Variants in CHRNB4 observed in about 807,000 individuals in gnomAD.
CHRNB4 encodes neuronal acetylcholine receptor subunit beta-4.
A neutral mutation model predicts 40.4 loss-of-function variants in CHRNB4; 23 were observed. The observed-to-expected ratio is 0.57, with a 90% CI of 0.41 to 0.81. The LOEUF (loss-of-function observed/expected upper bound fraction) is 0.81, where lower values mean the gene tolerates loss of function less well. Among genes scored for constraint, CHRNB4 ranks in the 30% least tolerant of loss-of-function variants. The probability of loss-of-function intolerance (pLI) is 0.00; values close to 1 mark genes in which losing one functional copy is unlikely to be tolerated. For missense variants in CHRNB4, 568 were observed against 670.6 expected (o/e 0.85, Z 1.69); for synonymous variants, 285 against 274.4 (o/e 1.04, Z -0.38).
intron 7 of CHRNB4, chr15:78,649,268 A>C: frequency 3.2e-6 from 1 of 311,216 alleles, no homozygotes; most frequent in Non-Finnish European, 6.3e-6. Flanking sequence ...TGTACCCCAG[A>C]GACACTCATT....
upstream of CHRNB4, chr15:78,641,308 G>C (rs547804014): frequency 2.5e-4 from 135 of 540,026 alleles, 1 homozygote; most frequent in South Asian, 4.1e-3. Flanking sequence ...GGGATGTACT[G>C]GGCCCGCTGC....
chr15:78,661,197 A>T, upstream of CHRNB4: 1 of 612,626 alleles, frequency 1.6e-6, no homozygotes, highest in Middle Eastern at 5.1e-4. Flanking sequence ...CAAAGAGCGG[A>T]ATGGTGCTGC....
chr15:78,639,145 T>C (rs2054018307), intron 1 of CHRNB4, among the ~76,000 whole-genome samples: 4 of 152,250 alleles, frequency 2.6e-5, no homozygotes, highest in Admixed American at 2.6e-4. Flanking sequence ...GATATACCTA[T>C]TGTTTTGGAA....
At position 78,625,126 on chromosome 15, in the gene CHRNB4, G is replaced by T. The variant is rs1481181246; in HGVS notation, c.*7C>A. The T allele has an allele frequency of 9.3e-6, 15 of 1,613,916 alleles. No individual in the cohort carries two copies. The highest frequency in any genetic ancestry group is 1.3e-5 in the African/African-American group (1 of 74,922). On this transcript the variant is annotated 3_prime_UTR_variant, in exon 6 of 6. Transcript: ENST00000261751. Reference sequence around the variant, plus strand: ...CACATCCTCTCACCCCACAACCCAGGGGGCCCTCAGTCACGCTGGGCAGCG... The same window carrying T: ...CACATCCTCTCACCCCACAACCCAGTGGGCCCTCAGTCACGCTGGGCAGCG...
Position 78,629,317 on chromosome 15 carries a change from C to T in CHRNB4, c.988G>A (p.Ala330Thr), listed in dbSNP as rs1567113110. 5 of 1,613,732 alleles carry T rather than the reference C, an allele frequency of 3.1e-6. No individual in the cohort carries two copies. The highest frequency in any genetic ancestry group is 4.2e-6 in the Non-Finnish European group (5 of 1,179,918). Residue 330 changes from alanine (A) to threonine (T), a missense_variant, in exon 5 of 6, where the codon GCA becomes ACA. By Grantham distance (58) the Ala-to-Thr change is moderately conservative. Around this residue, in one of 4 missense-constraint regions of CHRNB4, gnomAD observed 242 missense variants for 274.9 expected, o/e 0.88. Coordinates refer to ENST00000261751, the MANE Select transcript of CHRNB4 (RefSeq NM_000750.5). The surrounding 1 kb of genome is among the most constrained non-coding windows in gnomAD (Gnocchi z 6.8). The part of the protein sequence containing the change: ...HHRSPSTHTM[A>T]PWVKRCFLHK... The stretch of plus-strand genomic sequence containing the variant: ...AGGAAGCAGCGCTTGACCCAGGGTG[C>T]CATGGTGTGGGTGCTGGGCGAGCGG...
At chr15:78,656,854 T>C (rs2054218264) in intron 3 of CHRNB4, among the ~76,000 whole-genome samples, 1 of 152,164 alleles carries the variant, frequency 6.6e-6, no homozygotes, top group Admixed American at 6.5e-5. Context: ...TCGAAGGCCC[T>C]GGGCCCTCTT....
upstream of CHRNB4, chr15:78,661,016 T>C (rs1366020436): frequency 1.3e-5 from 7 of 526,424 alleles, no homozygotes; most frequent in East Asian, 3.2e-4. Flanking sequence ...CCAAAATCTT[T>C]TTAATAAGAG....
At chr15:78,640,817 G>A (rs2054054944) in intron 1 of CHRNB4, among the ~76,000 whole-genome samples, 1 of 152,172 alleles carries the variant, frequency 6.6e-6, no homozygotes, top group Non-Finnish European at 1.5e-5. Flanking sequence ...ACAGACACTC[G>A]CCCTGGAGGG....
At chr15:78,630,952 G>A in intron 4 of CHRNB4, 124 bp downstream of exon 4, 1 of 726,546 alleles carries the variant, frequency 1.4e-6, no homozygotes, top group South Asian at 1.6e-5. Context: ...TAGCTTGATG[G>A]CCTGGAAGGC....
Position 78,638,138 on chromosome 15 carries a change from A to G in CHRNB4, c.56-2551T>C, listed in dbSNP as rs2053993231. On this transcript the variant is annotated intron_variant, in intron 1 of 5. Transcript: ENST00000261751. ...AATACTAGGGGAGGCTGGATCCCAC[A>G]TCTCTGAAGTCCCACTAGGCTGGTC... 5.9e-5 allele frequency among the ~76,000 whole-genome samples: 9 copies of G among 152,230 alleles called. No homozygotes were observed. In the South Asian group the frequency reaches 1.9e-3, roughly 32 times the overall value.
intron 1 of CHRNB4, 151 bp downstream of exon 1, chr15:78,640,928 C>T (rs1323554211): frequency 2.2e-6 from 2 of 909,182 alleles, no homozygotes; most frequent in Non-Finnish European, 3.2e-6. Context: ...AGCGAGTGGG[C>T]TCAGCCCTGC....
chr15:78,648,153 G>A (rs895027797), intron 7 of CHRNB4, among the ~76,000 whole-genome samples: 3 of 152,020 alleles, frequency 2.0e-5, no homozygotes, highest in Non-Finnish European at 4.4e-5. Context: ...CAGCACTTTG[G>A]AAGGCCTAGG....
intron 6 of CHRNB4, chr15:78,649,445 A>C (rs1268314708): frequency 2.2e-6 from 1 of 454,288 alleles, no homozygotes; most frequent in Admixed American, 2.4e-5. Context: ...TGGAGCTAAG[A>C]AGAATGGTTT....
intron 1 of CHRNB4, among the ~76,000 whole-genome samples, chr15:78,640,033 G>A (rs1458871047): frequency 2.0e-5 from 3 of 152,048 alleles, no homozygotes; most frequent in Non-Finnish European, 2.9e-5. Context: ...CAAAATGATG[G>A]GTATATCTTT....
At chr15:78,647,846 CG>C (rs2054138216) in intron 7 of CHRNB4, among the ~76,000 whole-genome samples, 1 of 107,156 alleles carries the variant, frequency 9.3e-6, no homozygotes. Context: ...GGCAACAGAG[CG>C]AGAGACTCCA....
At chr15:78,649,327 A>G (rs2054152376) in intron 7 of CHRNB4, 1 of 440,734 alleles carries the variant, frequency 2.3e-6, no homozygotes, top group South Asian at 1.6e-5. Flanking sequence ...ATTGGAAACC[A>G]CTTAGATGTC....
intron 1 of CHRNB4, 76 bp from the exon 2 acceptor site, chr15:78,635,663 G>A: frequency 1.3e-6 from 2 of 1,587,510 alleles, no homozygotes; most frequent in Admixed American, 1.7e-5. Flanking sequence ...AGCAGGGAGA[G>A]CTGAGAGGGA....
intron 2 of CHRNB4, among the ~76,000 whole-genome samples, chr15:78,635,153 C>T (rs193108050): frequency 1.3e-5 from 2 of 152,318 alleles, no homozygotes; most frequent in East Asian, 1.9e-4. Context: ...AGCTTATGGT[C>T]ATGCTGGAGA....
At chr15:78,636,776 C>T (rs564078050) in intron 1 of CHRNB4, among the ~76,000 whole-genome samples, 3 of 152,230 alleles carry the variant, frequency 2.0e-5, no homozygotes, top group African/African-American at 7.2e-5. Flanking sequence ...CAGACTCTTT[C>T]TTCTGCCAAG....
Sources: allele counts gnomAD v4.1 joint callset (sites outside exome capture counted in the v4.1 genomes callset), GRCh38; gene constraint gnomAD v4.1.1; regional missense constraint gnomAD v4.1.1; non-coding constraint Gnocchi (gnomAD v3.1); transcripts MANE v1.5; gene names NCBI Gene and HGNC (gene_info 2026-07-23, HGNC 2026-07-21).